Variants in SOBP observed in about 807,000 individuals in gnomAD.
SOBP encodes sine oculis binding protein homolog.
Under a neutral mutation model 53.6 loss-of-function variants are expected in SOBP, and 4 were observed. That is an observed-to-expected ratio of 0.07 (90% CI 0.04 to 0.17). The LOEUF is 0.17. Among genes scored for constraint, SOBP ranks in the 10% least tolerant of loss-of-function variants. The pLI is 1.00. For missense variants in SOBP, 1,088 were observed against 1,204.7 expected (o/e 0.90, Z 1.43); for synonymous variants, 584 against 522.6 (o/e 1.12, Z -1.60).
intron 6 of SOBP, among the ~76,000 whole-genome samples, chr6:107,640,950 C>T (rs914530669): frequency 5.9e-5 from 9 of 152,204 alleles, no homozygotes; most frequent in African/African-American, 2.2e-4. Context: ...TCCTGGCCCC[C>T]TGGACTCGTC....
At chr6:107,503,913 T>G in intron 2 of SOBP, 118 bp downstream of exon 2, 1 of 1,237,022 alleles carries the variant, frequency 8.1e-7, no homozygotes, top group South Asian at 1.2e-5. Context: ...CAATGGTTGA[T>G]TTAAACATAC....
In SOBP at chr6:107,634,216, C is replaced by A; in HGVS notation, c.1372C>A (p.Pro458Thr). 1.3e-6 allele frequency: 2 copies of A among 1,598,156 alleles called. No homozygotes were observed. Among genetic ancestry groups the A allele is most frequent in the South Asian group, 1.1e-5 (1 of 90,870 alleles). The change falls in exon 6 of 7, where the codon CCC (proline) becomes ACC (threonine). Residue 458 changes from proline (P) to threonine (T), a missense_variant. Pro to Thr is a conservative substitution (Grantham distance 38). Transcript: ENST00000317357. This position sits in a 1 kb window ranked among gnomAD's most constrained non-coding sequence, Gnocchi z 4.5. The stretch of plus-strand genomic sequence containing the variant: ...CCCCATGCACCGGCCCATGCTATCG[C>A]CCCACATCCACCCCCCGAGCACCCC... ...SSPMHRPMLS[P>T]HIHPPSTPTM...
intron 5 of SOBP, among the ~76,000 whole-genome samples, chr6:107,605,000 C>A (rs896351155): frequency 2.8e-4 from 42 of 152,314 alleles, no homozygotes; most frequent in African/African-American, 1.0e-3. Context: ...CCTGGCCTCA[C>A]TTCCCTTCAG....
chr6:107,499,049 C>T (rs897981591), intron 1 of SOBP, among the ~76,000 whole-genome samples: 2 of 152,166 alleles, frequency 1.3e-5, no homozygotes, highest in African/African-American at 2.4e-5. Context: ...AAAGTCTTAA[C>T]GTAAGTAGAT....
At chr6:107,531,839 G>A (rs1401677384) in intron 3 of SOBP, among the ~76,000 whole-genome samples, 2 of 151,990 alleles carry the variant, frequency 1.3e-5, no homozygotes, top group Non-Finnish European at 1.5e-5. Flanking sequence ...ATACTAAAAG[G>A]TCATTAAAAT....
At chr6:107,584,271 A>C (rs1028497418) in intron 4 of SOBP, among the ~76,000 whole-genome samples, 2 of 151,138 alleles carry the variant, frequency 1.3e-5, no homozygotes, top group East Asian at 2.0e-4. Context: ...AAAAAAAAAA[A>C]CACCCCAGAT....
chr6:107,538,676 C>T (rs945544004), intron 4 of SOBP, among the ~76,000 whole-genome samples: 1 of 152,204 alleles, frequency 6.6e-6, no homozygotes, highest in Non-Finnish European at 1.5e-5. Context: ...GGCTTCTCCT[C>T]CCAGGGTTTT....
At chr6:107,604,532 C>A (rs1365744455) in intron 5 of SOBP, among the ~76,000 whole-genome samples, 1 of 151,650 alleles carries the variant, frequency 6.6e-6, no homozygotes, top group East Asian at 1.9e-4. Flanking sequence ...CCCCTACACC[C>A]TCTATCCCAC....
At chr6:107,515,355 G>A (rs1045351645) in intron 3 of SOBP, among the ~76,000 whole-genome samples, 2 of 152,180 alleles carry the variant, frequency 1.3e-5, no homozygotes, top group Non-Finnish European at 2.9e-5. Context: ...TAAATACGTA[G>A]ACTTATTTTA....
intron 6 of SOBP, among the ~76,000 whole-genome samples, chr6:107,637,306 T>C (rs1771089672): frequency 6.6e-6 from 1 of 152,184 alleles, no homozygotes; most frequent in Non-Finnish European, 1.5e-5. Context: ...AGGAGATTGC[T>C]TGGGAAGCAC....
At chr6:107,610,333 G>A (rs960783225) in intron 5 of SOBP, among the ~76,000 whole-genome samples, 2 of 152,244 alleles carry the variant, frequency 1.3e-5, no homozygotes, top group African/African-American at 2.4e-5. Flanking sequence ...CCTGTAAGAC[G>A]TTTCATGGCC....
At chr6:107,641,359 A>G (rs1405354274) in intron 6 of SOBP, among the ~76,000 whole-genome samples, 1 of 152,030 alleles carries the variant, frequency 6.6e-6, no homozygotes, top group Non-Finnish European at 1.5e-5. Context: ...AAAGAAGAAA[A>G]GAGAAGCAAG....
chr6:107,571,703 A>G (rs944610318), intron 4 of SOBP, among the ~76,000 whole-genome samples: 1 of 152,216 alleles, frequency 6.6e-6, no homozygotes, highest in East Asian at 1.9e-4. Flanking sequence ...AGTCTTTTCC[A>G]TCAAAGATGT....
At chr6:107,599,157 C>T (rs1015613299) in intron 5 of SOBP, among the ~76,000 whole-genome samples, 7 of 152,040 alleles carry the variant, frequency 4.6e-5, no homozygotes, top group Admixed American at 6.6e-5. Context: ...TGTGGGTTAC[C>T]GGCTTTGTGG....
chr6:107,532,033 T>G (rs1209476549), intron 3 of SOBP, among the ~76,000 whole-genome samples: 1 of 152,156 alleles, frequency 6.6e-6, no homozygotes, highest in African/African-American at 2.4e-5. Flanking sequence ...TGACAAACTC[T>G]ATGAACCCTG....
chr6:107,496,714 A>G (rs1057076732), intron 1 of SOBP, among the ~76,000 whole-genome samples: 19 of 152,184 alleles, frequency 1.2e-4, no homozygotes, highest in Admixed American at 1.2e-3. Flanking sequence ...CTGAGTGGGA[A>G]TCTGGCCACC....
chr6:107,650,086 AG>A (rs1157237253), intron 6 of SOBP, among the ~76,000 whole-genome samples: 12 of 152,254 alleles, frequency 7.9e-5, no homozygotes, highest in Non-Finnish European at 1.6e-4. Flanking sequence ...AAGTAAAATA[AG>A]GGATATAGCT....
At chr6:107,521,003 A>G (rs1783469534) in intron 3 of SOBP, among the ~76,000 whole-genome samples, 1 of 149,758 alleles carries the variant, frequency 6.7e-6, no homozygotes, top group Non-Finnish European at 1.5e-5. Context: ...TGTCCTGTGC[A>G]TTGTAGGACA....
At position 107,572,014 on chromosome 6, in the gene SOBP, G is replaced by A. The variant is rs1785086969; in HGVS notation, c.574-15066G>A. Among the ~76,000 whole-genome samples the A allele has an allele frequency of 1.3e-5, 2 of 152,184 alleles. 1 individual carries two copies. Among genetic ancestry groups the A allele is most frequent in the South Asian group, 4.1e-4 (2 of 4,828 alleles). ...TTTTACTGTAAGATGAAATAAATCG[G>A]TAAAATAAAAGAAAGCTTTTTCAGG... On this transcript the variant is annotated intron_variant, in intron 4 of 6. Transcript: ENST00000317357.
Sources: gnomAD v4.1 joint callset for allele counts (sites outside exome capture counted in the v4.1 genomes callset) on GRCh38, gnomAD v4.1.1 for gene constraint, Gnocchi (gnomAD v3.1) non-coding constraint, MANE v1.5 for transcripts, NCBI Gene and HGNC (gene_info 2026-07-23, HGNC 2026-07-21) for gene names.